The following SOS2 variants were observed in gnomAD, a reference collection of about 807,000 sequenced individuals.
The protein encoded by SOS2 is son of sevenless homolog 2.
In SOS2, 65 loss-of-function variants were observed where a neutral mutation model predicts 148.2. The ratio of observed to expected loss-of-function variants is 0.44; its 90% CI spans 0.36 to 0.54. SOS2 has a LOEUF of 0.54. Ranked by LOEUF, SOS2 falls within the 20% of genes least tolerant of loss-of-function variation. SOS2 has a pLI of 0.00. For missense variants in SOS2, 1,341 were observed against 1,590.2 expected, an observed-to-expected ratio of 0.84 and a Z score of 2.67; for synonymous variants, 539 against 537.1, an observed-to-expected ratio of 1.00 and a Z score of -0.05.
intron 1 of SOS2, among the ~76,000 whole-genome samples, chr14:50,208,564 C>T (rs1886754099): frequency 6.6e-6 from 1 of 152,052 alleles, no homozygotes; most frequent in Non-Finnish European, 1.5e-5. Context: ...AGAAGAATCG[C>T]TTGAACTGGG....
Position 50,117,776 on chromosome 14 carries a change from T to G in SOS2, c.*568A>C, listed in dbSNP as rs1883337724. The G allele has an allele frequency of 6.6e-6, 1 of 152,348 alleles. No individual in the cohort carries two copies. Among genetic ancestry groups the G allele is most frequent in the Admixed American group, 6.5e-5 (1 of 15,288 alleles). 9.4% of individuals were successfully genotyped at this position (152,348 alleles called of 1,614,324 possible). On this transcript the variant is annotated 3_prime_UTR_variant, in exon 23 of 23. Transcript: ENST00000216373. ...ATAATAAACACTTACAGTGCCATTCTATTATTTTCATCCTACTTTTCATTT... is the reference window on the plus strand; with the variant it reads ...ATAATAAACACTTACAGTGCCATTCGATTATTTTCATCCTACTTTTCATTT...
At chr14:50,129,012 T>G (rs779249587) in intron 21 of SOS2, among the ~76,000 whole-genome samples, 6 of 152,176 alleles carry the variant, frequency 3.9e-5, no homozygotes, top group Non-Finnish European at 8.8e-5. Flanking sequence ...CTACTATATA[T>G]TTTACTATGC....
In SOS2 at chr14:50,178,711, T is replaced by TAC. The variant is rs1555371318; in HGVS notation, c.969+1859_969+1860dup. The stretch of plus-strand genomic sequence containing the variant: ...ATATATATATATATATATATATATA[T>TAC]ACACACATATACACACACATATATA... On this transcript the variant is annotated intron_variant, in intron 7 of 22. Transcript: ENST00000216373. Among the ~76,000 whole-genome samples the TAC allele has an allele frequency of 1.5e-3, 178 of 120,270 alleles. 1 individual carries two copies. The highest frequency in any genetic ancestry group is 4.0e-3 in the South Asian group (15 of 3,762). 78.9% of individuals were successfully genotyped at this position (120,270 alleles called of 152,430 possible).
At chr14:50,162,524 ATAAG>A (rs1207299123) in intron 8 of SOS2, among the ~76,000 whole-genome samples, 1 of 152,234 alleles carries the variant, frequency 6.6e-6, no homozygotes. Context: ...AATAGAGAAA[ATAAG>A]TAACTATAAA....
At chr14:50,138,994 A>T (rs1884176198) in intron 17 of SOS2, among the ~76,000 whole-genome samples, 1 of 152,140 alleles carries the variant, frequency 6.6e-6, no homozygotes, top group Non-Finnish European at 1.5e-5. Context: ...TAAAAAGAAA[A>T]TAAAAGCTAC....
intron 12 of SOS2, among the ~76,000 whole-genome samples, chr14:50,155,132 A>G (rs1057170952): frequency 9.2e-5 from 14 of 151,940 alleles, no homozygotes; most frequent in Non-Finnish European, 1.6e-4. Context: ...ATACATATCT[A>G]GGTGGTGGGT....
intron 4 of SOS2, among the ~76,000 whole-genome samples, chr14:50,197,689 C>CT (rs35121759): frequency 0.16 from 19,491 of 125,738 alleles, 2,214 homozygotes; most frequent in Admixed American, 0.32. Context: ...GCTTTACCAC[C>CT]TTTTTTTTTT....
At position 50,224,293 on chromosome 14, in the gene SOS2, GAA is replaced by G. The variant is rs112000335; in HGVS notation, c.87+6902_87+6903del. On this transcript the variant is annotated intron_variant, in intron 1 of 22. Transcript: ENST00000216373. ...GTGACAGAGCAAGACTCCGTCTCAG[GAA>G]AAAAAAAAAATATATATATACACAC... Among the ~76,000 whole-genome samples the G allele has an allele frequency of 3.7e-3, 321 of 87,072 alleles. 10 individuals carry two copies. The Middle Eastern group carries it at 0.042, about 11-fold the overall frequency. The allele number at this position is 87,072 out of a possible 152,430, so 57.1% of individuals were successfully genotyped here. A position where few individuals can be genotyped will look rare whatever the true frequency, so the allele number is the denominator to read the frequency against.
chr14:50,209,149 T>C (rs533786353), intron 1 of SOS2, among the ~76,000 whole-genome samples: 2 of 152,332 alleles, frequency 1.3e-5, no homozygotes, highest in South Asian at 2.1e-4. Flanking sequence ...TCAGCTCTTC[T>C]GGTTCTCAGG....
intron 21 of SOS2, among the ~76,000 whole-genome samples, chr14:50,126,768 G>C (rs1443846184): frequency 5.3e-5 from 8 of 152,012 alleles, no homozygotes; most frequent in Non-Finnish European, 1.0e-4. Context: ...TAGGATGTAT[G>C]AGAATAAGAA....
intron 13 of SOS2, among the ~76,000 whole-genome samples, chr14:50,152,019 C>G (rs4900991): frequency 0.3 from 45,144 of 152,090 alleles, 7,768 homozygotes; most frequent in Middle Eastern, 0.4. Context: ...AGCCATTGCA[C>G]TGGCCTAGAA....
intron 19 of SOS2, among the ~76,000 whole-genome samples, chr14:50,132,392 G>T (rs1297422763): frequency 6.7e-6 from 1 of 148,972 alleles, no homozygotes; most frequent in Admixed American, 6.7e-5. Flanking sequence ...TGGGCATGGT[G>T]GCTCACACCT....
intron 16 of SOS2, among the ~76,000 whole-genome samples, chr14:50,140,446 C>T (rs945850135): frequency 9.2e-5 from 14 of 152,114 alleles, no homozygotes; most frequent in African/African-American, 2.9e-4. Context: ...GAGAAGACAA[C>T]TATCAGAAGA....
At chr14:50,200,157 T>A (rs1466103633) in intron 3 of SOS2, among the ~76,000 whole-genome samples, 1 of 152,170 alleles carries the variant, frequency 6.6e-6, no homozygotes, top group Non-Finnish European at 1.5e-5. Context: ...AAAATTCATC[T>A]GACAAATATC....
chr14:50,201,264 G>A (rs1886478090), intron 2 of SOS2, among the ~76,000 whole-genome samples, 180 bp from the exon 3 acceptor site: 1 of 152,042 alleles, frequency 6.6e-6, no homozygotes, highest in Non-Finnish European at 1.5e-5. Flanking sequence ...TGGGCGCGGT[G>A]GCTCACGTCT....
intron 8 of SOS2, among the ~76,000 whole-genome samples, chr14:50,163,734 AT>A (rs1344885100): frequency 6.6e-6 from 1 of 152,200 alleles, no homozygotes; most frequent in African/African-American, 2.4e-5. Flanking sequence ...ACTCTAAAAT[AT>A]TTCTTTAATA....
At chr14:50,215,403 G>A in intron 1 of SOS2, 1 of 1,283,842 alleles carries the variant, frequency 7.8e-7, no homozygotes, top group Admixed American at 2.3e-5. Context: ...ACATCAAGAG[G>A]ACAATGGAAG....
At position 50,218,149 on chromosome 14, in the gene SOS2, A is replaced by G. The variant is rs114664232; in HGVS notation, c.87+13048T>C. On this transcript the variant is annotated intron_variant, in intron 1 of 22. Coordinates refer to ENST00000216373, the MANE Select transcript of SOS2 (RefSeq NM_006939.4). Reference sequence around the variant, plus strand: ...CCTATCTCTTAAAAACAAAAAAAAAAAAAGAAAGAAAGAAAAAGATAAAAA... The same window carrying G: ...CCTATCTCTTAAAAACAAAAAAAAAGAAAGAAAGAAAGAAAAAGATAAAAA... Among the ~76,000 whole-genome samples the G allele has an allele frequency of 6.7e-3, 1,003 of 150,722 alleles. 15 individuals carry two copies. Among genetic ancestry groups the G allele is most frequent in the African/African-American group, 0.023 (938 of 41,094 alleles).
In SOS2 at chr14:50,204,358, A is replaced by G; in HGVS notation, c.139T>C (p.Tyr47His). Residue 47 changes from tyrosine to histidine, a missense_variant, in exon 2 of 23, where the codon TAT becomes CAT. Around this residue, in one of 4 missense-constraint regions of SOS2, gnomAD observed 574 missense variants for 711.1 expected, o/e 0.81. Transcript: ENST00000216373. ...TLSANEESLY[Y>H]IEELIFQLLN... ...AGCTGAAAAATCAGCTCTTCAATAT[A>G]ATAGAGAGACTCTTCATTAGCTGAG... 6.3e-7 allele frequency: 1 copy of G among 1,589,392 alleles called. No homozygotes were observed. Among genetic ancestry groups the G allele is most frequent in the Non-Finnish European group, 8.6e-7 (1 of 1,159,422 alleles).
Sources: gnomAD v4.1 joint callset for allele counts (sites outside exome capture counted in the v4.1 genomes callset) on GRCh38, gnomAD v4.1.1 for gene constraint, gnomAD v4.1.1 regional missense constraint, MANE v1.5 for transcripts, NCBI Gene and HGNC (gene_info 2026-07-23, HGNC 2026-07-21) for gene names.